IL1RAPL2: variants seen among roughly 807,000 people sequenced by gnomAD.
The protein encoded by IL1RAPL2 is X-linked interleukin-1 receptor accessory protein-like 2.
In IL1RAPL2, 3 loss-of-function variants were observed where a neutral mutation model predicts 44.1. The ratio of observed to expected loss-of-function variants is 0.07; its 90% CI spans 0.03 to 0.18. The LOEUF is 0.18. Among genes scored for constraint, IL1RAPL2 ranks in the 10% least tolerant of loss-of-function variants. IL1RAPL2 has a pLI of 1.00. For missense variants in IL1RAPL2, 391 were observed against 496.4 expected (o/e 0.79, Z 2.02); for synonymous variants, 181 against 178.8 (o/e 1.01, Z -0.10).
chrX:104,969,728 G>A (rs913933856), intron 2 of IL1RAPL2, among the ~76,000 whole-genome samples: 8 of 111,300 alleles, frequency 7.2e-5, no homozygotes, highest in Non-Finnish European at 1.9e-5. Context: ...CCTCTCACAG[G>A]AGAGGAAACA....
At chrX:105,308,295 T>G (rs991222695) in intron 5 of IL1RAPL2, among the ~76,000 whole-genome samples, 1 of 112,160 alleles carries the variant, frequency 8.9e-6, no homozygotes, top group East Asian at 2.8e-4. Context: ...GCTAATCCAT[T>G]CCTCCATGAT....
chrX:105,200,321 T>G (rs1297143751), intron 3 of IL1RAPL2, among the ~76,000 whole-genome samples: 2 of 112,178 alleles, frequency 1.8e-5, no homozygotes, highest in Non-Finnish European at 3.8e-5. Context: ...TGAATAATTT[T>G]TAAATTTTTC....
At chrX:105,397,004 G>A (rs1413048248) in intron 5 of IL1RAPL2, among the ~76,000 whole-genome samples, 1 of 109,899 alleles carries the variant, frequency 9.1e-6, no homozygotes, top group Non-Finnish European at 1.9e-5. Flanking sequence ...ATCAGCAGCA[G>A]CATTAGATTT....
At chrX:105,698,033 G>T (rs2038090741) in intron 6 of IL1RAPL2, among the ~76,000 whole-genome samples, 1 of 110,767 alleles carries the variant, frequency 9.0e-6, no homozygotes, top group Admixed American at 9.6e-5. Context: ...ATAAGGATTT[G>T]GTTCCTACCA....
chrX:105,334,463 A>T (rs1220369240), intron 5 of IL1RAPL2, among the ~76,000 whole-genome samples: 2 of 111,434 alleles, frequency 1.8e-5, no homozygotes, highest in Admixed American at 1.9e-4. Context: ...CACAACAGGG[A>T]GACTATAGTC....
intron 6 of IL1RAPL2, among the ~76,000 whole-genome samples, chrX:105,509,911 C>T (rs1017237296): frequency 1.8e-5 from 2 of 111,449 alleles, no homozygotes; most frequent in South Asian, 3.8e-4. Context: ...GTGGTTCATG[C>T]CTGTAATCCT....
chrX:105,690,993 G>T (rs2038030907), intron 6 of IL1RAPL2, among the ~76,000 whole-genome samples: 1 of 110,927 alleles, frequency 9.0e-6, no homozygotes, highest in African/African-American at 3.3e-5. Context: ...TCTTGCTGTG[G>T]TGCACATGAC....
At chrX:105,477,966 G>A (rs2036209059) in intron 5 of IL1RAPL2, among the ~76,000 whole-genome samples, 1 of 111,089 alleles carries the variant, frequency 9.0e-6, no homozygotes, top group African/African-American at 3.3e-5. Context: ...ATAAAATTGT[G>A]TTTTATTAAT....
At chrX:104,897,587 A>C (rs747399545) in intron 2 of IL1RAPL2, among the ~76,000 whole-genome samples, 2 of 112,588 alleles carry the variant, frequency 1.8e-5, no homozygotes, top group Non-Finnish European at 3.7e-5. Context: ...ATTTGTGACC[A>C]TCATTAATCT....
At chrX:105,022,129 C>T (rs1261176804) in intron 2 of IL1RAPL2, among the ~76,000 whole-genome samples, 5 of 110,827 alleles carry the variant, frequency 4.5e-5, no homozygotes, top group South Asian at 7.6e-4. Flanking sequence ...TTAGATGCAG[C>T]ATCCCATACA....
intron 2 of IL1RAPL2, among the ~76,000 whole-genome samples, chrX:104,972,567 A>T (rs2030257205): frequency 8.9e-6 from 1 of 111,882 alleles, no homozygotes; most frequent in African/African-American, 3.3e-5. Flanking sequence ...GGGGATGTTG[A>T]TAAATCCAGC....
chrX:105,461,568 T>C (rs1030043771), intron 5 of IL1RAPL2, among the ~76,000 whole-genome samples: 1 of 111,357 alleles, frequency 9.0e-6, no homozygotes, highest in Non-Finnish European at 1.9e-5. Context: ...CCTGCTTTTC[T>C]TCCCCGCCCA....
chrX:104,872,971 A>C (rs750525154), intron 2 of IL1RAPL2, among the ~76,000 whole-genome samples: 6 of 111,815 alleles, frequency 5.4e-5, no homozygotes, highest in African/African-American at 1.3e-4. Flanking sequence ...GAGATAGCAG[A>C]GCAATAAAAG....
At chrX:105,327,784 A>T (rs1054447572) in intron 5 of IL1RAPL2, among the ~76,000 whole-genome samples, 1 of 111,713 alleles carries the variant, frequency 9.0e-6, no homozygotes, top group Non-Finnish European at 1.9e-5. Flanking sequence ...TACCTTGGAA[A>T]CAGCATGTAG....
intron 5 of IL1RAPL2, among the ~76,000 whole-genome samples, chrX:105,363,286 T>TA (rs1489872955): frequency 2.7e-5 from 2 of 73,168 alleles, no homozygotes; most frequent in Non-Finnish European, 4.5e-5. Flanking sequence ...TGTATATATA[T>TA]ATAATATATA....
At chrX:104,985,147 G>T (rs1602870236) in intron 2 of IL1RAPL2, among the ~76,000 whole-genome samples, 1 of 109,787 alleles carries the variant, frequency 9.1e-6, no homozygotes, top group Non-Finnish European at 1.9e-5. Flanking sequence ...GAGTGCAGTG[G>T]TGTGATCTCA....
intron 2 of IL1RAPL2, among the ~76,000 whole-genome samples, chrX:104,852,644 G>A (rs997628389): frequency 1.8e-5 from 2 of 111,964 alleles, no homozygotes; most frequent in Non-Finnish European, 3.8e-5. Flanking sequence ...AGAAAAACTT[G>A]TAATGAAGCA....
At chrX:105,060,642 G>T (rs1602928591) in intron 2 of IL1RAPL2, among the ~76,000 whole-genome samples, 1 of 86,055 alleles carries the variant, frequency 1.2e-5, no homozygotes. Flanking sequence ...GGGTAATACT[G>T]GCCTCATAGA....
chrX:105,590,859 T>TTGTGTGTG (rs60004058), intron 6 of IL1RAPL2, among the ~76,000 whole-genome samples: 5 of 88,590 alleles, frequency 5.6e-5, no homozygotes, highest in African/African-American at 2.0e-4. Context: ...TTGTGTGTGT[T>TTGTGTGTG]TGTGTGTGTG....
Sources: gnomAD v4.1 joint callset for allele counts (sites outside exome capture counted in the v4.1 genomes callset) on GRCh38, gnomAD v4.1.1 for gene constraint, MANE v1.5 for transcripts, NCBI Gene and HGNC (gene_info 2026-07-23, HGNC 2026-07-21) for gene names.